MSH4: variants seen among roughly 807,000 people sequenced by gnomAD.
MSH4 encodes mutS homolog 4, also known as mutS protein homolog 4.
A neutral mutation model predicts 113.7 loss-of-function variants in MSH4; 106 were observed. The observed-to-expected ratio is 0.93, with a 90% CI of 0.80 to 1.10. MSH4 has a LOEUF of 1.10. Among genes scored for constraint, MSH4 ranks in the 50% least tolerant of loss-of-function variants. The probability of loss-of-function intolerance (pLI) is 0.00; values close to 1 mark genes in which losing one functional copy is unlikely to be tolerated. For missense variants in MSH4, 1,061 were observed against 1,093.7 expected (o/e 0.97, Z 0.42); for synonymous variants, 368 against 380.2 (o/e 0.97, Z 0.37).
intron 8 of MSH4, among the ~76,000 whole-genome samples, chr1:75,849,285 T>C (rs2100546837): frequency 6.6e-6 from 1 of 152,278 alleles, no homozygotes; most frequent in East Asian, 1.9e-4. Context: ...TTTCTGGATA[T>C]TTTTCCAATT....
intron 17 of MSH4, among the ~76,000 whole-genome samples, chr1:75,897,558 C>G (rs547563005): frequency 4.7e-4 from 72 of 152,144 alleles, no homozygotes; most frequent in African/African-American, 1.7e-3. Context: ...AGTTACCTTC[C>G]TAATAAATGA....
chr1:75,815,969 C>T (rs1404353848), intron 5 of MSH4, among the ~76,000 whole-genome samples: 1 of 152,150 alleles, frequency 6.6e-6, no homozygotes. Context: ...GATCACACCA[C>T]TGTACCCCAG....
intron 1 of MSH4, among the ~76,000 whole-genome samples, chr1:75,799,127 TGTCA>T: frequency 6.6e-6 from 1 of 152,342 alleles, no homozygotes; most frequent in Non-Finnish European, 1.5e-5. Context: ...ATGTTCACAT[TGTCA>T]GTCTAATCCC....
intron 8 of MSH4, among the ~76,000 whole-genome samples, chr1:75,852,528 T>G (rs544168801): frequency 6.6e-6 from 1 of 152,188 alleles, no homozygotes; most frequent in Non-Finnish European, 1.5e-5. Flanking sequence ...TTTCTCCACA[T>G]CCTTGTCAAG....
chr1:75,836,302 C>CTTTTTT, intron 7 of MSH4, among the ~76,000 whole-genome samples: 1 of 135,960 alleles, frequency 7.4e-6, no homozygotes, highest in Non-Finnish European at 1.5e-5. Context: ...CTTTCTTTTT[C>CTTTTTT]TTTTTTTTTT....
At chr1:75,843,424 T>C (rs1651009109) in intron 7 of MSH4, among the ~76,000 whole-genome samples, 1 of 152,188 alleles carries the variant, frequency 6.6e-6, no homozygotes, top group Admixed American at 6.5e-5. Flanking sequence ...CTCTATAGAA[T>C]GTGAATTATT....
rs757839672 is a variant in MSH4, at chr1:75,822,556, G to A, written c.1137G>A (p.Glu379=). 1.3e-6 allele frequency: 2 copies of A among 1,529,958 alleles called. No individual in the cohort carries two copies. The highest frequency in any genetic ancestry group is 1.7e-6 in the Non-Finnish European group (2 of 1,146,284). 94.8% of individuals were successfully genotyped at this position (1,529,958 alleles called of 1,614,324 possible). A position where few individuals can be genotyped will look rare whatever the true frequency, so the allele number is the denominator to read the frequency against. Residue 379 remains glutamate (E), a synonymous_variant, in exon 7 of 20, where the codon GAG becomes GAA. Transcript: ENST00000263187. ...LDCVQELLQD[E]ELFFGLQSVI... ...GTGTTCAAGAACTACTTCAAGATGA[G>A]GAACTATTTTTTGGACTTCAATCAG...
At chr1:75,879,992 C>A in intron 12 of MSH4, 58 bp from the exon 13 acceptor site, 1 of 824,504 alleles carries the variant, frequency 1.2e-6, no homozygotes. Context: ...TGTTTAAAAT[C>A]TTACATTTCA....
At position 75,885,051 on chromosome 1, in the gene MSH4, G is replaced by GTATATATATATATATATATA. The variant is rs1217705221; in HGVS notation, c.2107+1231_2107+1232insATATATATATATATATATAT. Among the ~76,000 whole-genome samples the GTATATATATATATATATATA allele has an allele frequency of 3.0e-3, 335 of 113,062 alleles. 2 individuals carry two copies. The highest frequency in any genetic ancestry group is 0.012 in the African/African-American group (281 of 23,388). 74.2% of individuals were successfully genotyped at this position (113,062 alleles called of 152,430 possible). On this transcript the variant is annotated intron_variant, in intron 15 of 19. Coordinates refer to ENST00000263187, the MANE Select transcript of MSH4 (RefSeq NM_002440.4). ...TATATGTGTGTGTGTGTGTGTGTGTGTGTGTGTGTATATATATATATATAC... is the reference window on the plus strand; with the variant it reads ...TATATGTGTGTGTGTGTGTGTGTGTGTATATATATATATATATATATGTGTGTGTATATATATATATATAC...
At chr1:75,802,726 T>C (rs1307313666) in intron 1 of MSH4, among the ~76,000 whole-genome samples, 1 of 152,198 alleles carries the variant, frequency 6.6e-6, no homozygotes, top group Non-Finnish European at 1.5e-5. Flanking sequence ...ATGAAACATA[T>C]GTCTTAGTCT....
chr1:75,826,301 A>C (rs10873724), intron 7 of MSH4, among the ~76,000 whole-genome samples: 3 of 141,004 alleles, frequency 2.1e-5, no homozygotes, highest in Non-Finnish European at 4.5e-5. Flanking sequence ...CTGTGGGATC[A>C]GTGGTGATAT....
chr1:75,797,777 C>T (rs758547584), intron 1 of MSH4, among the ~76,000 whole-genome samples: 2 of 152,108 alleles, frequency 1.3e-5, no homozygotes, highest in Non-Finnish European at 2.9e-5. Context: ...CATCCCCTAT[C>T]TCTACTAAAA....
chr1:75,889,224 A>T, intron 15 of MSH4, 27 bp from the exon 16 acceptor site: 1 of 1,000,222 alleles, frequency 1.0e-6, no homozygotes, highest in Non-Finnish European at 1.5e-6. Flanking sequence ...AACACATTTC[A>T]GTTTATCTTG....
chr1:75,802,573 G>A (rs1034249764), intron 1 of MSH4, among the ~76,000 whole-genome samples: 2 of 152,100 alleles, frequency 1.3e-5, no homozygotes, highest in African/African-American at 4.8e-5. Flanking sequence ...CTGTAAAATA[G>A]GTAATAGCTT....
At chr1:75,861,135 C>T (rs1398560408) in intron 8 of MSH4, among the ~76,000 whole-genome samples, 1 of 150,216 alleles carries the variant, frequency 6.7e-6, no homozygotes, top group African/African-American at 2.5e-5. Flanking sequence ...CTCTTCTCTA[C>T]ATGGTTATTC....
At chr1:75,804,822 C>T (rs1650022346) in intron 2 of MSH4, among the ~76,000 whole-genome samples, 1 of 143,768 alleles carries the variant, frequency 7.0e-6, no homozygotes, top group South Asian at 2.2e-4. Context: ...TTTTTATTTA[C>T]TTTTATTTTT....
chr1:75,809,133 C>T (rs1250617546), intron 3 of MSH4, among the ~76,000 whole-genome samples: 1 of 152,100 alleles, frequency 6.6e-6, no homozygotes. Flanking sequence ...ATTCCTTAGA[C>T]TCGAGTGATC....
At chr1:75,799,383 AC>A (rs1649888123) in intron 1 of MSH4, among the ~76,000 whole-genome samples, 1 of 152,194 alleles carries the variant, frequency 6.6e-6, no homozygotes, top group African/African-American at 2.4e-5. Flanking sequence ...CTCTCAATGA[AC>A]TTAAGGTTCA....
intron 9 of MSH4, among the ~76,000 whole-genome samples, chr1:75,868,049 A>G (rs1651627409): frequency 6.6e-6 from 1 of 152,078 alleles, no homozygotes; most frequent in Non-Finnish European, 1.5e-5. Context: ...TTTGAAGTGG[A>G]GAAGTTTCTC....
Sources: gnomAD v4.1 joint callset for allele counts (sites outside exome capture counted in the v4.1 genomes callset) on GRCh38, gnomAD v4.1.1 for gene constraint, MANE v1.5 for transcripts, NCBI Gene and HGNC (gene_info 2026-07-23, HGNC 2026-07-21) for gene names.